NIPAL2: variants seen among roughly 807,000 people sequenced by gnomAD.
NIPAL2 encodes NIPA-like protein 2.
A neutral mutation model predicts 48.9 loss-of-function variants in NIPAL2; 43 were observed. The observed-to-expected ratio is 0.88, with a 90% confidence interval of 0.69 to 1.13. The LOEUF (loss-of-function observed/expected upper bound fraction) is 1.13, where lower values mean the gene tolerates loss of function less well. Among genes scored for constraint, NIPAL2 ranks in the 50% most tolerant of loss-of-function variants. The pLI, the probability that NIPAL2 is intolerant of heterozygous loss-of-function variation, is 0.00. For synonymous variants in NIPAL2, 167 were observed against 174.6 expected, an observed-to-expected ratio of 0.96 and a Z score of 0.34; for missense variants, 446 against 461.4, an observed-to-expected ratio of 0.97 and a Z score of 0.31.
At chr8:98,260,691 G>T (rs1014344299) in intron 1 of NIPAL2, among the ~76,000 whole-genome samples, 2 of 152,156 alleles carry the variant, frequency 1.3e-5, no homozygotes, top group South Asian at 2.1e-4. Context: ...AGGCGGCAGC[G>T]AGGCTGGGGG....
intron 8 of NIPAL2, among the ~76,000 whole-genome samples, chr8:98,202,870 T>C (rs768206371): frequency 6.6e-6 from 1 of 152,172 alleles, no homozygotes; most frequent in Non-Finnish European, 1.5e-5. Flanking sequence ...CACTTTCTAC[T>C]TAGAAATCTC....
intron 1 of NIPAL2, among the ~76,000 whole-genome samples, chr8:98,269,560 C>T (rs1368959211): frequency 2.6e-5 from 4 of 152,158 alleles, no homozygotes; most frequent in African/African-American, 2.4e-5. Context: ...TTAAGTAAAC[C>T]ATGCCATAAA....
At chr8:98,199,908 C>T (rs1400140459) in intron 8 of NIPAL2, among the ~76,000 whole-genome samples, 1 of 151,978 alleles carries the variant, frequency 6.6e-6, no homozygotes, top group Non-Finnish European at 1.5e-5. Context: ...ATTTCTGTTT[C>T]CAGAGATTTT....
At chr8:98,228,234 T>C (rs182180813) in intron 4 of NIPAL2, among the ~76,000 whole-genome samples, 5 of 152,320 alleles carry the variant, frequency 3.3e-5, no homozygotes, top group African/African-American at 9.6e-5. Context: ...AAGGTGCTTT[T>C]TTCGTGTGTA....
At chr8:98,210,797 C>T (rs893030957) in intron 6 of NIPAL2, among the ~76,000 whole-genome samples, 1 of 152,154 alleles carries the variant, frequency 6.6e-6, no homozygotes, top group Non-Finnish European at 1.5e-5. Context: ...GGATAAATTA[C>T]CCCTTTTATC....
In NIPAL2 at chr8:98,218,256, G is replaced by A. The variant is rs115780200; in HGVS notation, c.558+4223C>T. ...AGAATTTATTTTGCCTGCAGGCAAA[G>A]AGTAATAATTTGTTGGTAAGGCTTC... On this transcript the variant is annotated intron_variant, in intron 5 of 10. Coordinates refer to ENST00000430223, the MANE Select transcript of NIPAL2 (RefSeq NM_001321635.2). 8.1e-3 allele frequency among the ~76,000 whole-genome samples: 1,231 copies of A among 152,254 alleles called. 19 individuals are homozygous for A. Among genetic ancestry groups the A allele is most frequent in the African/African-American group, 0.028 (1,159 of 41,562 alleles).
intron 1 of NIPAL2, among the ~76,000 whole-genome samples, chr8:98,262,456 A>T (rs1399686102): frequency 6.6e-6 from 1 of 151,718 alleles, no homozygotes; most frequent in Non-Finnish European, 1.5e-5. Context: ...AATGGAAAAC[A>T]AAAAAAGGCA....
In NIPAL2 at chr8:98,260,709, C is replaced by T. The variant is rs1444661905; in HGVS notation, c.136-6622G>A. 7.2e-5 allele frequency among the ~76,000 whole-genome samples: 11 copies of T among 152,334 alleles called. 1 individual carries two copies. The East Asian group carries it at 2.1e-3, about 29-fold the overall frequency. Reference sequence around the variant, plus strand: ...CGGCAGCGAGGCTGGGGGAGGGGTGCCCGCCATTGCCCAGGCTTGATTAGG... The same window carrying T: ...CGGCAGCGAGGCTGGGGGAGGGGTGTCCGCCATTGCCCAGGCTTGATTAGG... On this transcript the variant is annotated intron_variant, in intron 1 of 10. Coordinates refer to ENST00000430223, the MANE Select transcript of NIPAL2 (RefSeq NM_001321635.2).
chr8:98,235,500 C>G (rs934141088), intron 4 of NIPAL2, among the ~76,000 whole-genome samples: 4 of 152,112 alleles, frequency 2.6e-5, no homozygotes, highest in Non-Finnish European at 5.9e-5. Flanking sequence ...GTTGATGCAT[C>G]AAATTTTTTG....
chr8:98,221,248 T>C (rs959238041), intron 5 of NIPAL2, among the ~76,000 whole-genome samples: 2 of 152,024 alleles, frequency 1.3e-5, no homozygotes, highest in Non-Finnish European at 2.9e-5. Flanking sequence ...AGTGCTGGGA[T>C]TACGGGCGTG....
At chr8:98,285,922 T>A (rs1037334580) in intron 1 of NIPAL2, among the ~76,000 whole-genome samples, 1 of 152,126 alleles carries the variant, frequency 6.6e-6, no homozygotes, top group African/African-American at 2.4e-5. Flanking sequence ...GGTCAAGTGA[T>A]GAAATGGTTT....
chr8:98,227,838 A>G (rs950373590), intron 4 of NIPAL2, among the ~76,000 whole-genome samples: 2 of 152,156 alleles, frequency 1.3e-5, no homozygotes, highest in South Asian at 2.1e-4. Flanking sequence ...TAGGAGTTGC[A>G]GTTCTTGTGG....
intron 8 of NIPAL2, among the ~76,000 whole-genome samples, chr8:98,202,441 G>A (rs1192409223): frequency 2.0e-5 from 3 of 152,206 alleles, no homozygotes; most frequent in Non-Finnish European, 2.9e-5. Flanking sequence ...AATGCTGGAG[G>A]TGGGGCCTAG....
chr8:98,276,222 TA>T (rs1297643887), intron 1 of NIPAL2, among the ~76,000 whole-genome samples: 1 of 152,212 alleles, frequency 6.6e-6, no homozygotes, highest in East Asian at 1.9e-4. Flanking sequence ...TTCACTGCCC[TA>T]AAAATCCTCT....
chr8:98,285,863 A>G (rs1480882741), intron 1 of NIPAL2, among the ~76,000 whole-genome samples: 1 of 152,202 alleles, frequency 6.6e-6, no homozygotes, highest in Non-Finnish European at 1.5e-5. Flanking sequence ...CAATAGTCCA[A>G]GTTCCTGAAG....
chr8:98,223,269 C>G (rs752621463), intron 4 of NIPAL2, among the ~76,000 whole-genome samples: 1 of 152,120 alleles, frequency 6.6e-6, no homozygotes, highest in African/African-American at 2.4e-5. Flanking sequence ...GAAACCACGT[C>G]ATAAACCTAT....
At chr8:98,293,874 T>C (rs1816623022) in intron 1 of NIPAL2, 129 bp downstream of exon 1, 4 of 876,450 alleles carry the variant, frequency 4.6e-6, no homozygotes. Context: ...ATGTCACCTC[T>C]TCCCACTCGG....
intron 1 of NIPAL2, among the ~76,000 whole-genome samples, chr8:98,280,463 C>A (rs141545104): frequency 1.6e-3 from 248 of 151,996 alleles, no homozygotes; most frequent in African/African-American, 5.7e-3. Context: ...TGATTTAGGT[C>A]AACTAATTAC....
intron 1 of NIPAL2, among the ~76,000 whole-genome samples, chr8:98,265,974 C>T (rs1210254960): frequency 2.6e-4 from 39 of 151,778 alleles, no homozygotes; most frequent in Admixed American, 2.0e-3. Flanking sequence ...GAGTTCATAT[C>T]CTTTGTAGGG....
Sources: gnomAD v4.1 joint callset for allele counts (sites outside exome capture counted in the v4.1 genomes callset) on GRCh38, gnomAD v4.1.1 for gene constraint, MANE v1.5 for transcripts, NCBI Gene and HGNC (gene_info 2026-07-23, HGNC 2026-07-21) for gene names.